The following SCAMP1 variants were observed in gnomAD, a reference collection of about 807,000 sequenced individuals.
SCAMP1 encodes the protein secretory carrier-associated membrane protein 1.
A neutral mutation model predicts 41.8 loss-of-function variants in SCAMP1; 15 were observed. That is an observed-to-expected ratio of 0.36 (90% CI 0.24 to 0.55). The LOEUF is 0.55. SCAMP1 is among the 20% of genes least tolerant of loss of function. SCAMP1 has a pLI of 0.86. For synonymous variants in SCAMP1, 135 were observed against 136.8 expected, an observed-to-expected ratio of 0.99 and a Z score of 0.09; for missense variants, 341 against 412.6, an observed-to-expected ratio of 0.83 and a Z score of 1.50.
At chr5:78,470,384 T>C (rs1265860965) in intron 8 of SCAMP1, among the ~76,000 whole-genome samples, 2 of 152,188 alleles carry the variant, frequency 1.3e-5, no homozygotes, top group Non-Finnish European at 2.9e-5. Context: ...ATGAATTGCC[T>C]ATTTTAGATA....
At chr5:78,378,885 C>G (rs922958883) in intron 1 of SCAMP1, among the ~76,000 whole-genome samples, 2 of 152,310 alleles carry the variant, frequency 1.3e-5, no homozygotes, top group African/African-American at 4.8e-5. Context: ...AATTCTCAGG[C>G]ATCATCCCAG....
At chr5:78,412,550 A>C (rs770315565) in intron 2 of SCAMP1, among the ~76,000 whole-genome samples, 1 of 152,062 alleles carries the variant, frequency 6.6e-6, no homozygotes, top group Non-Finnish European at 1.5e-5. Context: ...TAATTTTCAT[A>C]TGCACCACCA....
intron 2 of SCAMP1, among the ~76,000 whole-genome samples, chr5:78,391,824 G>A (rs901183546): frequency 1.3e-5 from 2 of 152,322 alleles, no homozygotes; most frequent in Admixed American, 1.3e-4. Flanking sequence ...GGCCAACACA[G>A]CAAAACCCCG....
chr5:78,413,040 A>G (rs1195408690), intron 2 of SCAMP1, among the ~76,000 whole-genome samples: 1 of 152,206 alleles, frequency 6.6e-6, no homozygotes, highest in Non-Finnish European at 1.5e-5. Context: ...ATTCATAAAA[A>G]TATTCACATG....
chr5:78,365,574 C>T (rs191481722), intron 1 of SCAMP1, among the ~76,000 whole-genome samples: 164 of 150,016 alleles, frequency 1.1e-3, no homozygotes, highest in African/African-American at 3.9e-3. Flanking sequence ...TTCTGGAGTG[C>T]TGGTAGTAGC....
intron 2 of SCAMP1, among the ~76,000 whole-genome samples, chr5:78,414,514 T>A (rs999542197): frequency 2.6e-5 from 4 of 152,110 alleles, no homozygotes; most frequent in African/African-American, 9.7e-5. Context: ...AACTCCTGAC[T>A]TTGTGATCCA....
intron 6 of SCAMP1, among the ~76,000 whole-genome samples, chr5:78,431,639 AT>A (rs925727748): frequency 6.7e-6 from 1 of 148,750 alleles, no homozygotes; most frequent in Non-Finnish European, 1.5e-5. Context: ...TGATGCCCTA[AT>A]TTTTACAATA....
chr5:78,469,804 C>T (rs916138413), intron 8 of SCAMP1, among the ~76,000 whole-genome samples: 5 of 145,640 alleles, frequency 3.4e-5, no homozygotes, highest in South Asian at 2.2e-4. Flanking sequence ...TTTGGGGGGC[C>T]GAGGCAAGAA....
chr5:78,415,901 C>T (rs1229586264), intron 3 of SCAMP1, among the ~76,000 whole-genome samples: 1 of 151,972 alleles, frequency 6.6e-6, no homozygotes, highest in Non-Finnish European at 1.5e-5. Flanking sequence ...TGCACACTAC[C>T]ATTAAGGTAA....
At chr5:78,442,784 A>G (rs1224737610) in intron 6 of SCAMP1, among the ~76,000 whole-genome samples, 1 of 152,250 alleles carries the variant, frequency 6.6e-6, no homozygotes, top group Non-Finnish European at 1.5e-5. Context: ...TATATATAAG[A>G]AACACTGCAT....
rs567439443 is a variant in SCAMP1, at chr5:78,464,851, A to T, written c.852+5489A>T. Reference sequence around the variant, plus strand: ...TCCTCTCGGAGAATCACAGATTGGGATTATAGTGGTGGTGGGAAGAAGGGC... The same window carrying T: ...TCCTCTCGGAGAATCACAGATTGGGTTTATAGTGGTGGTGGGAAGAAGGGC... On this transcript the variant is annotated intron_variant, in intron 8 of 8. Transcript: ENST00000621999. Among the ~76,000 whole-genome samples the T allele has an allele frequency of 2.6e-5, 4 of 152,240 alleles. No individual in the cohort carries two copies. In the South Asian group the frequency reaches 8.3e-4, roughly 32 times the overall value.
chr5:78,381,051 A>G (rs954774678), intron 1 of SCAMP1, among the ~76,000 whole-genome samples: 4 of 151,040 alleles, frequency 2.6e-5, no homozygotes, highest in African/African-American at 7.3e-5. Flanking sequence ...CCTGGGCAAC[A>G]GCAAGACTCC....
intron 1 of SCAMP1, among the ~76,000 whole-genome samples, chr5:78,380,073 C>T (rs1294054579): frequency 1.3e-5 from 2 of 152,172 alleles, no homozygotes; most frequent in Non-Finnish European, 2.9e-5. Flanking sequence ...CATTTGTTTA[C>T]ACTCCTCTGC....
intron 1 of SCAMP1, chr5:78,370,742 A>AG (rs965953411): frequency 1.3e-5 from 2 of 152,206 alleles, no homozygotes. Context: ...TTAATCATGG[A>AG]GGAGCTTCCA....
chr5:78,437,852 A>G (rs1422857042), intron 6 of SCAMP1, among the ~76,000 whole-genome samples: 4 of 151,960 alleles, frequency 2.6e-5, no homozygotes, highest in Non-Finnish European at 5.9e-5. Flanking sequence ...CCTGGACTTT[A>G]TTTGGTTGGT....
At chr5:78,469,920 AAAAAAAAAAAAACAAC>A (rs1187992645) in intron 8 of SCAMP1, among the ~76,000 whole-genome samples, 192 of 18,616 alleles carry the variant, frequency 0.01, 11 homozygotes, top group East Asian at 0.039. Flanking sequence ...AAACAAAAAA[AAAAAAAAAAAAACAAC>A]AACACAGCCC....
At chr5:78,374,158 A>G (rs1437149764) in intron 1 of SCAMP1, among the ~76,000 whole-genome samples, 1 of 152,128 alleles carries the variant, frequency 6.6e-6, no homozygotes, top group Non-Finnish European at 1.5e-5. Context: ...TAGTTGGGAG[A>G]TATAATGTGT....
chr5:78,407,927 C>T (rs1751974318), intron 2 of SCAMP1, among the ~76,000 whole-genome samples: 1 of 152,032 alleles, frequency 6.6e-6, no homozygotes, highest in African/African-American at 2.4e-5. Context: ...TTAAACACAC[C>T]TGTTTTGTAT....
Position 78,364,442 on chromosome 5 carries a change from G to A in SCAMP1, c.57+3714G>A, listed in dbSNP as rs142013930. Among the ~76,000 whole-genome samples, 491 of 152,172 alleles carry A rather than the reference G, an allele frequency of 3.2e-3. 4 individuals carry two copies. Among genetic ancestry groups the A allele is most frequent in the African/African-American group, 0.011 (459 of 41,512 alleles). On this transcript the variant is annotated intron_variant, in intron 1 of 8. Transcript: ENST00000621999. ...GAATTAGAATTTCACAGCTGGGGGG[G>A]CAAATTCTTAAAATATATTCAGTCA...
Sources: allele counts gnomAD v4.1 joint callset (sites outside exome capture counted in the v4.1 genomes callset), GRCh38; gene constraint gnomAD v4.1.1; transcripts MANE v1.5; gene names NCBI Gene and HGNC (gene_info 2026-07-23, HGNC 2026-07-21).